Variants in BRINP3 observed in about 807,000 individuals in gnomAD.
BRINP3 encodes BMP/retinoic acid inducible neural specific 3.
Under a neutral mutation model 71.0 loss-of-function variants are expected in BRINP3, and 19 were observed. The ratio of observed to expected loss-of-function variants is 0.27; its 90% CI spans 0.19 to 0.39. The LOEUF (loss-of-function observed/expected upper bound fraction) is 0.39, where lower values mean the gene tolerates loss of function less well. Ranked by LOEUF, BRINP3 falls within the 10% of genes least tolerant of loss-of-function variation. The pLI is 1.00. For missense variants in BRINP3, 959 were observed against 940.8 expected (o/e 1.02, Z -0.25); for synonymous variants, 380 against 337.7 (o/e 1.13, Z -1.37).
chr1:190,401,819 AT>A (rs1671949072), intron 2 of BRINP3, among the ~76,000 whole-genome samples: 1 of 152,150 alleles, frequency 6.6e-6, no homozygotes, highest in South Asian at 2.1e-4. Flanking sequence ...TTTTAAATAA[AT>A]TTTTACTCAC....
intron 2 of BRINP3, among the ~76,000 whole-genome samples, chr1:190,320,753 G>T (rs1188892620): frequency 6.6e-6 from 1 of 151,724 alleles, no homozygotes; most frequent in African/African-American, 2.4e-5. Flanking sequence ...ATATCTTTGG[G>T]GTGTGGGAGG....
chr1:190,324,720 T>C (rs1666468951), intron 2 of BRINP3, among the ~76,000 whole-genome samples: 3 of 151,914 alleles, frequency 2.0e-5, no homozygotes. Context: ...GATATCCATG[T>C]TTATATAATG....
At chr1:190,295,858 C>A (rs900113457) in intron 2 of BRINP3, among the ~76,000 whole-genome samples, 1 of 152,108 alleles carries the variant, frequency 6.6e-6, no homozygotes, top group Non-Finnish European at 1.5e-5. Context: ...ACTGTCCTTT[C>A]TAAAGTCTTC....
chr1:190,376,681 T>C (rs1293615586), intron 2 of BRINP3, among the ~76,000 whole-genome samples: 3 of 152,074 alleles, frequency 2.0e-5, no homozygotes, highest in South Asian at 4.1e-4. Flanking sequence ...CAAACATTAC[T>C]TTCTTCCAAA....
At chr1:190,398,610 AG>A (rs1671732850) in intron 2 of BRINP3, among the ~76,000 whole-genome samples, 1 of 152,086 alleles carries the variant, frequency 6.6e-6, no homozygotes, top group African/African-American at 2.4e-5. Context: ...TTTATTTTAA[AG>A]AAAATTTTCT....
At chr1:190,112,532 G>A (rs1171399875) in intron 7 of BRINP3, among the ~76,000 whole-genome samples, 1 of 152,086 alleles carries the variant, frequency 6.6e-6, no homozygotes, top group Non-Finnish European at 1.5e-5. Context: ...GCACTGAAAA[G>A]CTTAGAAAAA....
rs567864099 is a variant in BRINP3, at chr1:190,359,142, C to A, written c.237-77392G>T. 5.5e-4 allele frequency among the ~76,000 whole-genome samples: 83 copies of A among 151,702 alleles called. 2 individuals carry two copies. In the South Asian group the frequency reaches 8.6e-3, roughly 16 times the overall value. On this transcript the variant is annotated intron_variant, in intron 2 of 7. Coordinates refer to ENST00000367462, the MANE Select transcript of BRINP3 (RefSeq NM_199051.3). ...AACTTGCACATTGCGCACAGGTACC[C>A]TAAAACTTAAAGTATAATAACAAAT...
intron 2 of BRINP3, among the ~76,000 whole-genome samples, chr1:190,427,468 A>G (rs1673788562): frequency 6.6e-6 from 1 of 152,042 alleles, no homozygotes. Flanking sequence ...CTTATAAAAT[A>G]GTTGAATGTA....
intron 2 of BRINP3, among the ~76,000 whole-genome samples, chr1:190,305,964 G>A (rs1420933306): frequency 6.6e-6 from 1 of 151,636 alleles, no homozygotes; most frequent in East Asian, 1.9e-4. Context: ...TATACTATAT[G>A]TCCTATCACA....
chr1:190,249,242 T>C (rs1455534871), intron 4 of BRINP3, among the ~76,000 whole-genome samples: 1 of 151,814 alleles, frequency 6.6e-6, no homozygotes, highest in African/African-American at 2.4e-5. Context: ...TGTAAGCCTA[T>C]TCCCCAGCAG....
intron 6 of BRINP3, among the ~76,000 whole-genome samples, chr1:190,162,883 C>A (rs1651138155): frequency 6.6e-6 from 1 of 151,990 alleles, no homozygotes; most frequent in Non-Finnish European, 1.5e-5. Context: ...TTAAGAGTCA[C>A]CACTGTCACC....
intron 2 of BRINP3, among the ~76,000 whole-genome samples, chr1:190,408,400 T>G (rs1672445713): frequency 6.6e-6 from 1 of 152,110 alleles, no homozygotes. Context: ...GGATTTAAAT[T>G]ATTTTTTTTC....
Position 190,215,743 on chromosome 1 carries a change from G to A in BRINP3, c.961+10339C>T, listed in dbSNP as rs145471207. Among the ~76,000 whole-genome samples the A allele has an allele frequency of 8.6e-5, 13 of 151,792 alleles. No homozygotes were observed. In the East Asian group the frequency reaches 1.9e-3, roughly 23 times the overall value. ...AGATGATTGCCAATACAAGATGGCCGCCAACTGTCATTCTTAGATCATCAA... is the reference window on the plus strand; with the variant it reads ...AGATGATTGCCAATACAAGATGGCCACCAACTGTCATTCTTAGATCATCAA... On this transcript the variant is annotated intron_variant, in intron 6 of 7. Coordinates refer to ENST00000367462, the MANE Select transcript of BRINP3 (RefSeq NM_199051.3).
intron 7 of BRINP3, among the ~76,000 whole-genome samples, chr1:190,139,121 T>G (rs1558000556): frequency 6.6e-6 from 1 of 151,168 alleles, no homozygotes; most frequent in African/African-American, 2.4e-5. Flanking sequence ...GTAAAATAGA[T>G]GGGTCACTGT....
At chr1:190,177,147 C>CTTT (rs1558037415) in intron 6 of BRINP3, among the ~76,000 whole-genome samples, 2 of 129,870 alleles carry the variant, frequency 1.5e-5, no homozygotes, top group African/African-American at 5.8e-5. Flanking sequence ...GAAGCACCCA[C>CTTT]TTCTTTTTTT....
intron 2 of BRINP3, among the ~76,000 whole-genome samples, chr1:190,305,213 A>C (rs913108399): frequency 6.6e-6 from 1 of 151,958 alleles, no homozygotes; most frequent in African/African-American, 2.4e-5. Context: ...AAAAATTAAA[A>C]ATCAAACTAC....
chr1:190,464,148 A>ATTT lies in BRINP3; in HGVS notation c.-50-9209_-50-9208insAAA, dbSNP rs1558310059. ...GTCTTTCAAAAAGTGTTTTTTTTTA[A>ATTT]AAAAAAAAGTAAACTAAAAGTTAGT... On this transcript the variant is annotated intron_variant, in intron 1 of 7. Coordinates refer to ENST00000367462, the MANE Select transcript of BRINP3 (RefSeq NM_199051.3). Among the ~76,000 whole-genome samples, 496 of 140,534 alleles carry ATTT rather than the reference A, an allele frequency of 3.5e-3. 3 individuals carry two copies. The highest frequency in any genetic ancestry group is 0.011 in the African/African-American group (407 of 38,664). The allele number at this position is 140,534 out of a possible 152,430, so 92.2% of individuals were successfully genotyped here.
At chr1:190,260,070 CA>C (rs35994123) in intron 4 of BRINP3, among the ~76,000 whole-genome samples, 216 of 132,176 alleles carry the variant, frequency 1.6e-3, no homozygotes, top group South Asian at 4.3e-3. Flanking sequence ...TTAAGAACCA[CA>C]AAAAAAAAAA....
intron 4 of BRINP3, 133 bp from the exon 5 acceptor site, chr1:190,234,610 AC>A: frequency 1.8e-6 from 1 of 560,400 alleles, no homozygotes; most frequent in Non-Finnish European, 3.2e-6. Flanking sequence ...TCTCATACAC[AC>A]CAGCAATACA....
Sources: gnomAD v4.1 joint callset for allele counts (sites outside exome capture counted in the v4.1 genomes callset) on GRCh38, gnomAD v4.1.1 for gene constraint, MANE v1.5 for transcripts, NCBI Gene and HGNC (gene_info 2026-07-23, HGNC 2026-07-21) for gene names.